The following ANKRD44 variants were observed in gnomAD, a reference collection of about 807,000 sequenced individuals.
ANKRD44 encodes the protein serine/threonine-protein phosphatase 6 regulatory ankyrin repeat subunit B.
A neutral mutation model predicts 116.0 loss-of-function variants in ANKRD44; 35 were observed. That is an observed-to-expected ratio of 0.30 (90% CI 0.23 to 0.40). The LOEUF (loss-of-function observed/expected upper bound fraction) is 0.40, where lower values mean the gene tolerates loss of function less well. ANKRD44 is among the 10% of genes least tolerant of loss of function. The pLI, the probability that ANKRD44 is intolerant of heterozygous loss-of-function variation, is 1.00. For missense variants in ANKRD44, 1,014 were observed against 1,242.6 expected, an observed-to-expected ratio of 0.82 and a Z score of 2.77; for synonymous variants, 435 against 461.8, an observed-to-expected ratio of 0.94 and a Z score of 0.74.
rs1559397126 is a variant in ANKRD44, at chr2:196,989,582, TAA to T, written c.*7_*8del. The T allele has an allele frequency of 6.5e-7, 1 of 1,549,718 alleles. No individual in the cohort carries two copies. The highest frequency in any genetic ancestry group is 8.7e-7 in the Non-Finnish European group (1 of 1,146,524). On this transcript the variant is annotated 3_prime_UTR_variant, in exon 28 of 28. Coordinates refer to ENST00000282272, the MANE Select transcript of ANKRD44 (RefSeq NM_001195144.2). ...TGTGCATGTGTATGTGCATAATTTT[TAA>T]AGAGTCTCATTCTTCTTTTTGTACA... is the stretch of plus-strand genomic sequence containing the variant.
At chr2:197,036,243 A>G (rs1023959603) in intron 16 of ANKRD44, among the ~76,000 whole-genome samples, 3 of 152,108 alleles carry the variant, frequency 2.0e-5, no homozygotes, top group Non-Finnish European at 2.9e-5. Flanking sequence ...TAGTTGCGTA[A>G]GTCAAGGTCT....
At chr2:197,234,246 G>A (rs1259612086) in intron 1 of ANKRD44, among the ~76,000 whole-genome samples, 1 of 151,248 alleles carries the variant, frequency 6.6e-6, no homozygotes, top group Non-Finnish European at 1.5e-5. Context: ...AGGCTGGGCA[G>A]TGGCGTGATC....
intron 16 of ANKRD44, among the ~76,000 whole-genome samples, chr2:197,035,447 T>C (rs1559008821): frequency 6.6e-6 from 1 of 152,188 alleles, no homozygotes; most frequent in Admixed American, 6.5e-5. Context: ...GCTTCTAAAC[T>C]ACACACTGGT....
At chr2:197,113,358 A>C (rs1031613954) in intron 8 of ANKRD44, among the ~76,000 whole-genome samples, 12 of 152,202 alleles carry the variant, frequency 7.9e-5, no homozygotes, top group African/African-American at 2.4e-4. Context: ...AAAATAACTA[A>C]GGCGAGAGAA....
At chr2:197,162,944 T>C (rs2080005009) in intron 2 of ANKRD44, among the ~76,000 whole-genome samples, 1 of 152,222 alleles carries the variant, frequency 6.6e-6, no homozygotes, top group Non-Finnish European at 1.5e-5. Context: ...GGTCTGCCTA[T>C]ATGAGGGCGG....
intron 16 of ANKRD44, among the ~76,000 whole-genome samples, chr2:197,032,542 C>T (rs1004655419): frequency 3.9e-5 from 6 of 152,122 alleles, no homozygotes; most frequent in African/African-American, 9.7e-5. Flanking sequence ...GCACCCGCCA[C>T]CACGCCTGGC....
At chr2:197,036,298 AC>A (rs1425924157) in intron 16 of ANKRD44, among the ~76,000 whole-genome samples, 1 of 152,078 alleles carries the variant, frequency 6.6e-6, no homozygotes, top group Non-Finnish European at 1.5e-5. Flanking sequence ...TCACTCTGTC[AC>A]CCAGACTGGA....
In ANKRD44 at chr2:197,274,460, C is replaced by T. The variant is rs371056280; in HGVS notation, c.27+36118G>A. On this transcript the variant is annotated intron_variant, in intron 1 of 27. Transcript: ENST00000282272. ...GGTCTGCCCCTGCTGCAGAGAGCCACCTCACCTGAGATCACACCATTCCTG... is the reference window on the plus strand; with the variant it reads ...GGTCTGCCCCTGCTGCAGAGAGCCATCTCACCTGAGATCACACCATTCCTG... Among the ~76,000 whole-genome samples, 61 of 152,254 alleles carry T rather than the reference C, an allele frequency of 4.0e-4. No individual in the cohort carries two copies. The South Asian group carries it at 0.012, about 31-fold the overall frequency.
rs147722448 is a variant in ANKRD44 at position 197,021,158 on chromosome 2, C to T, written c.1722+4038G>A. On this transcript the variant is annotated intron_variant, in intron 17 of 27. Transcript: ENST00000282272. The stretch of plus-strand genomic sequence containing the variant: ...TTTTTTATGGCTGCATAGTAGTCCA[C>T]GGTGTATATGTGCCACATTTGCTTA... 2.3e-3 allele frequency among the ~76,000 whole-genome samples: 348 copies of T among 152,272 alleles called. 1 individual carries two copies. The East Asian group carries it at 0.03, about 13-fold the overall frequency.
chr2:197,217,736 T>G (rs1231588284), intron 1 of ANKRD44, among the ~76,000 whole-genome samples: 1 of 152,224 alleles, frequency 6.6e-6, no homozygotes, highest in Non-Finnish European at 1.5e-5. Flanking sequence ...AATAAAAGTA[T>G]GAGAGCCTCA....
chr2:197,225,622 G>A (rs912488337), intron 1 of ANKRD44, among the ~76,000 whole-genome samples: 2 of 152,194 alleles, frequency 1.3e-5, no homozygotes, highest in African/African-American at 4.8e-5. Flanking sequence ...GGGATTATAG[G>A]CGTGAGCCAC....
intron 9 of ANKRD44, among the ~76,000 whole-genome samples, chr2:197,102,035 CTG>C (rs1257575210): frequency 1.3e-5 from 2 of 151,658 alleles, no homozygotes; most frequent in Admixed American, 6.6e-5. Flanking sequence ...GTTTATGCTT[CTG>C]TGTTTCGCTT....
At chr2:197,104,528 CA>C (rs2078380269) in intron 9 of ANKRD44, among the ~76,000 whole-genome samples, 1 of 152,300 alleles carries the variant, frequency 6.6e-6, no homozygotes, top group East Asian at 1.9e-4. Flanking sequence ...TTCCCATTAG[CA>C]GTATACTTGA....
chr2:197,139,530 G>T (rs1029381379), intron 3 of ANKRD44, among the ~76,000 whole-genome samples: 2 of 152,106 alleles, frequency 1.3e-5, no homozygotes, highest in Non-Finnish European at 2.9e-5. Context: ...TCTGGATAGT[G>T]ACTGCGTCTA....
chr2:197,205,553 C>T (rs554925429), intron 1 of ANKRD44, among the ~76,000 whole-genome samples: 4 of 152,304 alleles, frequency 2.6e-5, no homozygotes, highest in South Asian at 4.1e-4. Flanking sequence ...GAAGATCTTT[C>T]CAGCTCCAGA....
At chr2:197,078,039 T>C (rs1198447607) in intron 16 of ANKRD44, 1 of 152,190 alleles carries the variant, frequency 6.6e-6, no homozygotes. Flanking sequence ...ACAAAGAAGG[T>C]GTTAGGATAA....
chr2:197,287,903 C>T (rs1220928531), intron 1 of ANKRD44, among the ~76,000 whole-genome samples: 1 of 151,352 alleles, frequency 6.6e-6, no homozygotes, highest in Non-Finnish European at 1.5e-5. Flanking sequence ...ACCTGTAGTC[C>T]CAGCCACTTG....
At chr2:197,031,461 A>C (rs1312378485) in intron 16 of ANKRD44, among the ~76,000 whole-genome samples, 1 of 152,118 alleles carries the variant, frequency 6.6e-6, no homozygotes, top group Admixed American at 6.5e-5. Context: ...CTCTTGCCTC[A>C]CCCTCCTGAG....
chr2:197,116,042 T>A (rs545714139), intron 8 of ANKRD44, among the ~76,000 whole-genome samples: 2 of 152,242 alleles, frequency 1.3e-5, no homozygotes, highest in South Asian at 4.1e-4. Context: ...AGGAAAAAAA[T>A]AAATATTAAA....
Sources: allele counts gnomAD v4.1 joint callset (sites outside exome capture counted in the v4.1 genomes callset), GRCh38; gene constraint gnomAD v4.1.1; transcripts MANE v1.5; gene names NCBI Gene and HGNC (gene_info 2026-07-23, HGNC 2026-07-21).